The following COPG1 variants were observed in gnomAD, a reference collection of about 807,000 sequenced individuals.
COPG1 encodes coat protein complex I subunit gamma 1, also known as coatomer subunit gamma-1.
COPG1 carries 29 observed loss-of-function variants against 102.8 expected under a neutral mutation model. The observed-to-expected ratio is 0.28, with a 90% confidence interval of 0.21 to 0.38. The LOEUF (loss-of-function observed/expected upper bound fraction) is 0.38, where lower values mean the gene tolerates loss of function less well. COPG1 is among the 10% of genes least tolerant of loss of function. The pLI is 1.00. For missense variants in COPG1, 875 were observed against 1,132.7 expected (o/e 0.77, Z 3.27); for synonymous variants, 406 against 421.6 (o/e 0.96, Z 0.45).
At chr3:129,260,262 C>G in intron 10 of COPG1, 71 bp from the exon 11 acceptor site, 1 of 1,399,914 alleles carries the variant, frequency 7.1e-7, no homozygotes, top group Non-Finnish European at 1.0e-6. Flanking sequence ...TGAGTCAGAA[C>G]AGTAGCCCCC....
At chr3:129,272,638 T>A (rs1175706592) in intron 20 of COPG1, among the ~76,000 whole-genome samples, 169 bp from the exon 21 acceptor site, 3 of 152,140 alleles carry the variant, frequency 2.0e-5, no homozygotes. Flanking sequence ...TCCTACAAGG[T>A]GGCACCCTCT....
chr3:129,255,200 A>C, intron 7 of COPG1, 123 bp downstream of exon 7: 2 of 649,732 alleles, frequency 3.1e-6, no homozygotes, highest in Middle Eastern at 3.8e-4. Flanking sequence ...TTTGATTGAG[A>C]CGGAGTCTCA....
chr3:129,272,499 G>C lies in COPG1; in HGVS notation c.2158+84G>C, dbSNP rs1171509871. 7.0e-6 allele frequency: 8 copies of C among 1,135,728 alleles called. No individual in the cohort carries two copies. The East Asian group carries it at 2.1e-4, about 29-fold the overall frequency. 70.4% of individuals were successfully genotyped at this position (1,135,728 alleles called of 1,614,324 possible). A position where few individuals can be genotyped will look rare whatever the true frequency, so the allele number is the denominator to read the frequency against. On this transcript the variant is annotated intron_variant, in intron 20 of 23. Coordinates refer to ENST00000314797, the MANE Select transcript of COPG1 (RefSeq NM_016128.4). ...GTGGGCGGCTGGGCACCAGCTGTTT[G>C]CCTTCTATTAGAGCTTCAGCTCCTT... is the stretch of plus-strand genomic sequence containing the variant.
chr3:129,249,688 A>G lies in COPG1; in HGVS notation c.-22A>G. 1 of 1,551,144 alleles carries G rather than the reference A, an allele frequency of 6.4e-7. No homozygotes were observed. The highest frequency in any genetic ancestry group is 8.7e-7 in the Non-Finnish European group (1 of 1,146,876). ...CGCCCGTCGAGCATTGCGTTGCTGCATTGCGCCCCACCGACTCCACTATGT... is the reference window on the plus strand; with the variant it reads ...CGCCCGTCGAGCATTGCGTTGCTGCGTTGCGCCCCACCGACTCCACTATGT... On this transcript the variant is annotated 5_prime_UTR_variant, in exon 1 of 24. Transcript: ENST00000314797.
At chr3:129,265,917 C>T (rs1211078676) in intron 14 of COPG1, 125 bp downstream of exon 14, 21 of 945,126 alleles carry the variant, frequency 2.2e-5, no homozygotes, top group Non-Finnish European at 3.3e-5. Flanking sequence ...AGCTGTTTTT[C>T]ATAATATTGT....
intron 18 of COPG1, among the ~76,000 whole-genome samples, chr3:129,270,865 A>G (rs537199042): frequency 1.3e-5 from 2 of 152,322 alleles, no homozygotes; most frequent in East Asian, 3.9e-4. Flanking sequence ...TGGTCTTTAA[A>G]TATCAGTATA....
At position 129,275,378 on chromosome 3, in the gene COPG1, T is replaced by C; in HGVS notation, c.2494+86T>C. ...CCTGGGCTAAGGACTCCACTGTAAA[T>C]ATGGGGAGTCAAAATTCACAGCATT... On this transcript the variant is annotated intron_variant, in intron 23 of 23. Transcript: ENST00000314797. The surrounding 1 kb of genome is among the most constrained non-coding windows in gnomAD (Gnocchi z 5.0). 1.1e-6 allele frequency: 1 copy of C among 925,650 alleles called. No individual in the cohort carries two copies. The highest frequency in any genetic ancestry group is 1.5e-5 in the South Asian group (1 of 67,268). The allele number at this position is 925,650 out of a possible 1,614,324, so 57.3% of individuals were successfully genotyped here.
At chr3:129,265,850 A>G (rs1940047117) in intron 14 of COPG1, 58 bp downstream of exon 14, 3 of 1,564,292 alleles carry the variant, frequency 1.9e-6, no homozygotes, top group Admixed American at 3.6e-5. Flanking sequence ...TAAATGTCCC[A>G]GCAAAGGGAC....
In COPG1 at chr3:129,259,228, C is replaced by T. The variant is rs540386753; in HGVS notation, c.872-1105C>T. 1.7e-3 allele frequency among the ~76,000 whole-genome samples: 259 copies of T among 152,036 alleles called. 3 individuals carry two copies. Among genetic ancestry groups the T allele is most frequent in the Admixed American group, 3.9e-3 (60 of 15,290 alleles). ...CTGTAATCCCAGCGCTTTGGGAGGC[C>T]GAGGCAGGGGGATCACCAGGTCAGG... On this transcript the variant is annotated intron_variant, in intron 10 of 23. Transcript: ENST00000314797.
In COPG1 at chr3:129,249,624, G is replaced by T; in HGVS notation, c.-86G>T. On this transcript the variant is annotated 5_prime_UTR_variant, in exon 1 of 24. Transcript: ENST00000314797. Reference sequence around the variant, plus strand: ...CGTGGCCAGTCGGGGCCCGGAAGTGGTCCCTGTAGAACCACTGTGGCACCG... The same window carrying T: ...CGTGGCCAGTCGGGGCCCGGAAGTGTTCCCTGTAGAACCACTGTGGCACCG... The T allele has an allele frequency of 6.8e-7, 1 of 1,475,484 alleles. No individual in the cohort carries two copies. The allele number at this position is 1,475,484 out of a possible 1,614,324, so 91.4% of individuals were successfully genotyped here.
intron 5 of COPG1, among the ~76,000 whole-genome samples, chr3:129,253,922 C>CT (rs971028407): frequency 1.4e-5 from 2 of 146,894 alleles, no homozygotes; most frequent in African/African-American, 5.1e-5. Flanking sequence ...ATTGCTTGAA[C>CT]TGGGGAGGTG....
chr3:129,261,893 C>T (rs937758594), intron 12 of COPG1, among the ~76,000 whole-genome samples: 11 of 152,184 alleles, frequency 7.2e-5, no homozygotes, highest in Non-Finnish European at 1.5e-4. Flanking sequence ...CCCCTGGCAG[C>T]CATTAATTTG....
In COPG1 at chr3:129,271,616, A is replaced by G. The variant is rs974839555; in HGVS notation, c.1844-151A>G. ...GATGAGAAAATGCATGGATATATTCAGGAAATAATGAGTAGCCAGTTGGGT... is the reference window on the plus strand; with the variant it reads ...GATGAGAAAATGCATGGATATATTCGGGAAATAATGAGTAGCCAGTTGGGT... On this transcript the variant is annotated intron_variant, in intron 18 of 23. Transcript: ENST00000314797. This position sits in a 1 kb window ranked among gnomAD's most constrained non-coding sequence, Gnocchi z 4.7. 1 of 907,102 alleles carries G rather than the reference A, an allele frequency of 1.1e-6. No homozygotes were observed. The highest frequency in any genetic ancestry group is 1.7e-6 in the Non-Finnish European group (1 of 600,016). The allele number at this position is 907,102 out of a possible 1,614,324, so 56.2% of individuals were successfully genotyped here.
chr3:129,272,850 C>T lies in COPG1; in HGVS notation c.2202C>T (p.Asp734=). Residue 734 remains aspartate, a synonymous_variant, in exon 21 of 24, where the codon GAC becomes GAT. Transcript: ENST00000314797. ...FSCMMKFTVK[D]CDPTTGETDD... is the part of the protein sequence containing the mutation. ...GCATGATGAAGTTCACTGTCAAGGA[C>T]TGTGATCCCACCACTGGGGAGACTG... The T allele has an allele frequency of 1.9e-6, 3 of 1,613,516 alleles. No individual in the cohort carries two copies. The highest frequency in any genetic ancestry group is 2.5e-6 in the Non-Finnish European group (3 of 1,179,518).
chr3:129,250,870 C>T (rs944701949), intron 2 of COPG1, 136 bp downstream of exon 2: 6 of 534,132 alleles, frequency 1.1e-5, no homozygotes, highest in Admixed American at 2.5e-5. Context: ...TTCTGGAAGA[C>T]AGGAAAACTT....
chr3:129,272,071 T>G (rs1940191810), intron 19 of COPG1, 162 bp downstream of exon 19: 1 of 1,009,298 alleles, frequency 9.9e-7, no homozygotes, highest in Non-Finnish European at 1.4e-6. Flanking sequence ...ATCTCTTGAC[T>G]CGGGACATCC....
chr3:129,250,754 C>G lies in COPG1; in HGVS notation c.90+20C>G, dbSNP rs368427024. The G allele has an allele frequency of 1.6e-5, 25 of 1,605,430 alleles. 1 individual carries two copies. The South Asian group carries it at 2.7e-4, about 18-fold the overall frequency. On this transcript the variant is annotated intron_variant, in intron 2 of 23. Coordinates refer to ENST00000314797, the MANE Select transcript of COPG1 (RefSeq NM_016128.4). ...CAGGAGGCAAGTGACATTTGCTCCC[C>G]TCTAGCTTCCATCATAAATATTCAC... is the stretch of plus-strand genomic sequence containing the variant.
chr3:129,277,491 A>C lies in COPG1; in HGVS notation c.*67A>C. 4 of 1,504,084 alleles carry C rather than the reference A, an allele frequency of 2.7e-6. No individual in the cohort carries two copies. The highest frequency in any genetic ancestry group is 3.7e-6 in the Non-Finnish European group (4 of 1,094,658). 93.2% of individuals were successfully genotyped at this position (1,504,084 alleles called of 1,614,324 possible). A position where few individuals can be genotyped will look rare whatever the true frequency, so the allele number is the denominator to read the frequency against. ...ACCTGGAAGTTGTGCCTTCCTCATGAAACTGGCAGAAACCCCTTCCCAAGC... is the reference window on the plus strand; with the variant it reads ...ACCTGGAAGTTGTGCCTTCCTCATGCAACTGGCAGAAACCCCTTCCCAAGC... On this transcript the variant is annotated 3_prime_UTR_variant, in exon 24 of 24. Transcript: ENST00000314797.
chr3:129,268,589 G>T lies in COPG1; in HGVS notation c.1743G>T (p.Leu581=). The T allele has an allele frequency of 6.2e-7, 1 of 1,614,194 alleles. No homozygotes were observed. The highest frequency in any genetic ancestry group is 1.3e-5 in the African/African-American group (1 of 75,062). Residue 581 remains leucine, a synonymous_variant, in exon 17 of 24, where the codon CTG becomes CTT. Transcript: ENST00000314797. ...CTTTTGACCTCAAGTCTGTGCCCCT[G>T]GCCACGGCGCCCATGGCAGAGCAGA... ...EKPFDLKSVP[L]ATAPMAEQRT... is the part of the protein sequence containing the mutation.
Sources: gnomAD v4.1 joint callset for allele counts (sites outside exome capture counted in the v4.1 genomes callset) on GRCh38, gnomAD v4.1.1 for gene constraint, Gnocchi (gnomAD v3.1) non-coding constraint, MANE v1.5 for transcripts, NCBI Gene and HGNC (gene_info 2026-07-23, HGNC 2026-07-21) for gene names.